Variants in ADH6 observed in about 807,000 individuals in gnomAD.
The protein encoded by ADH6 is alcohol dehydrogenase 6 (class V).
ADH6 carries 34 observed loss-of-function variants against 36.5 expected under a neutral mutation model. The ratio of observed to expected loss-of-function variants is 0.93; its 90% CI spans 0.71 to 1.24. The LOEUF is 1.24. ADH6 is among the 50% of genes most tolerant of loss of function. The probability of loss-of-function intolerance (pLI) is 0.00; values close to 1 mark genes in which losing one functional copy is unlikely to be tolerated. For synonymous variants in ADH6, 161 were observed against 155.5 expected (o/e 1.04, Z -0.26); for missense variants, 440 against 447.0 (o/e 0.98, Z 0.14).
chr4:99,217,884 A>C (rs2110560118), intron 1 of ADH6, among the ~76,000 whole-genome samples: 1 of 152,192 alleles, frequency 6.6e-6, no homozygotes, highest in African/African-American at 2.4e-5. Context: ...TGAGTTATGG[A>C]GCAACGAATG....
At chr4:99,217,253 T>A (rs373903781) in intron 1 of ADH6, among the ~76,000 whole-genome samples, 1 of 151,938 alleles carries the variant, frequency 6.6e-6, no homozygotes, top group African/African-American at 2.4e-5. Context: ...AGCCAGGATG[T>A]TCTTGATCTC....
Position 99,203,051 on chromosome 4 carries a change from C to T in ADH6, c.*1168G>A, listed in dbSNP as rs779204979. On this transcript the variant is annotated 3_prime_UTR_variant, in exon 9 of 9. Transcript: ENST00000394899. ...AGAGACTGAGGGTGCAGCCCACCTT[C>T]CTGGCCAGTGTTAAATCAGGAAACT... is the stretch of plus-strand genomic sequence containing the variant. 1 of 377,068 alleles carries T rather than the reference C, an allele frequency of 2.7e-6. No homozygotes were observed. Among genetic ancestry groups the T allele is most frequent in the Non-Finnish European group, 4.7e-6 (1 of 212,724 alleles). 23.4% of individuals were successfully genotyped at this position (377,068 alleles called of 1,614,324 possible).
chr4:99,218,176 A>G (rs1481312550), intron 1 of ADH6, among the ~76,000 whole-genome samples: 3 of 152,250 alleles, frequency 2.0e-5, no homozygotes, highest in South Asian at 2.1e-4. Context: ...TGAACATATC[A>G]TTATTTCTTC....
intron 5 of ADH6, 89 bp downstream of exon 5, chr4:99,209,993 T>A (rs1175810253): frequency 4.8e-5 from 65 of 1,361,200 alleles, no homozygotes; most frequent in Non-Finnish European, 1.0e-6. Context: ...ATTTTTCCTT[T>A]GGTATGATAA....
intron 2 of ADH6, among the ~76,000 whole-genome samples, chr4:99,214,393 C>G (rs964254643): frequency 6.6e-5 from 10 of 151,778 alleles, no homozygotes; most frequent in Admixed American, 3.3e-4. Flanking sequence ...GACCCTGTCT[C>G]TAAAATGAAA....
Position 99,216,189 on chromosome 4 carries a change from G to A in ADH6, c.92C>T (p.Pro31Leu), listed in dbSNP as rs748489029. The stretch of plus-strand genomic sequence containing the variant: ...TATGCGAACTTCCTTTGCCTTTGGT[G>A]GGGCCACTTCTACCTCTTCAATAGA... ...PFSIEEVEVA[P>L]PKAKEVRIKV... Residue 31 changes from proline to leucine, a missense_variant, in exon 2 of 9, where the codon CCA (proline) becomes CTA (leucine). Transcript: ENST00000394899. 2.6e-6 allele frequency: 4 copies of A among 1,532,206 alleles called. No individual in the cohort carries two copies. The highest frequency in any genetic ancestry group is 3.0e-5 in the African/African-American group (2 of 67,606). 94.9% of individuals were successfully genotyped at this position (1,532,206 alleles called of 1,614,324 possible). A position where few individuals can be genotyped will look rare whatever the true frequency, so the allele number is the denominator to read the frequency against.
At chr4:99,219,032 T>C in intron 1 of ADH6, 103 bp downstream of exon 1, 1 of 1,177,030 alleles carries the variant, frequency 8.5e-7, no homozygotes, top group Non-Finnish European at 1.3e-6. Context: ...GCCTCTCACC[T>C]TTAGGAGCCC....
chr4:99,213,844 C>T, intron 2 of ADH6, 97 bp from the exon 3 acceptor site: 1 of 1,065,304 alleles, frequency 9.4e-7, no homozygotes, highest in Non-Finnish European at 1.3e-6. Context: ...TTGATATTCT[C>T]CATTTATACA....
At position 99,216,157 on chromosome 4, in the gene ADH6, T is replaced by TA; in HGVS notation, c.120+3_120+4insT. 7.1e-7 allele frequency: 1 copy of TA among 1,400,446 alleles called. No individual in the cohort carries two copies. The highest frequency in any genetic ancestry group is 9.6e-7 in the Non-Finnish European group (1 of 1,045,184). 86.8% of individuals were successfully genotyped at this position (1,400,446 alleles called of 1,614,324 possible). ...GTGATTTTTTTTTTTTTTTTTTTTT[T>TA]TACCTTTATGCGAACTTCCTTTGCC... On this transcript the variant is annotated splice_donor_region_variant and intron_variant, in intron 2 of 8. Coordinates refer to ENST00000394899, the MANE Select transcript of ADH6 (RefSeq NM_001102470.2).
intron 3 of ADH6, among the ~76,000 whole-genome samples, chr4:99,211,380 T>C (rs75631625): frequency 1.3e-5 from 2 of 152,274 alleles, no homozygotes; most frequent in East Asian, 3.9e-4. Context: ...TGGAGCTTTC[T>C]ATTTTAGTAC....
chr4:99,206,909 G>T (rs1297035584), intron 7 of ADH6, among the ~76,000 whole-genome samples: 1 of 151,928 alleles, frequency 6.6e-6, no homozygotes, highest in Non-Finnish European at 1.5e-5. Context: ...GTAAAAAACA[G>T]AAAATCAAAG....
intron 5 of ADH6, among the ~76,000 whole-genome samples, chr4:99,209,404 A>G (rs1246777369): frequency 6.6e-6 from 1 of 152,066 alleles, no homozygotes; most frequent in Non-Finnish European, 1.5e-5. Context: ...CATAGGACTA[A>G]TTTAAATAAT....
In ADH6 at chr4:99,208,722, C is replaced by T. The variant is rs146063979; in HGVS notation, c.774G>A (p.Met258Ile). 1.2e-6 allele frequency: 2 copies of T among 1,613,732 alleles called. No homozygotes were observed. The highest frequency in any genetic ancestry group is 1.7e-5 in the Admixed American group (1 of 59,982). Residue 258 changes from methionine (M) to isoleucine (I), a missense_variant, in exon 6 of 9, where the codon ATG becomes ATA. Met to Ile is a conservative substitution (Grantham distance 10, BLOSUM62 1). Coordinates refer to ENST00000394899, the MANE Select transcript of ADH6 (RefSeq NM_001102470.2). ...KKPIQEVLFD[M>I]TDAGIDFCFE... is the part of the protein sequence containing the mutation. ...AGCAGAAGTCTATACCAGCATCTGT[C>T]ATATCAAATAAAACTTCTTGAATGG... is the stretch of plus-strand genomic sequence containing the variant.
rs200229133 is a variant in ADH6 at position 99,204,238 on chromosome 4, C to G, written c.1109G>C (p.Arg370Pro). Reference protein sequence around the residue: ...VELMKTGKCIRCILLL With the variant: ...VELMKTGKCIPCILLL ...TTGTACTTAAAGTAACAGGATACAG[C>G]GGATACTGAAAAAAAGAAGAAGAGA... is the stretch of plus-strand genomic sequence containing the variant. Residue 370 changes from arginine (R) to proline (P), a missense_variant, in exon 9 of 9, where the codon CGC becomes CCC. By Grantham distance (103) the Arg-to-Pro change is moderately radical (BLOSUM62 -2). Coordinates refer to ENST00000394899, the MANE Select transcript of ADH6 (RefSeq NM_001102470.2). 1 of 1,599,344 alleles carries G rather than the reference C, an allele frequency of 6.3e-7. No homozygotes were observed.
chr4:99,209,510 G>A (rs183916072), intron 5 of ADH6, among the ~76,000 whole-genome samples: 9 of 152,170 alleles, frequency 5.9e-5, no homozygotes, highest in Non-Finnish European at 1.0e-4. Context: ...GAAGGGAGCC[G>A]GGAAGGTTTG....
chr4:99,210,380 A>C, intron 4 of ADH6, 35 bp downstream of exon 4: 1 of 1,594,746 alleles, frequency 6.3e-7, no homozygotes, highest in Admixed American at 1.7e-5. Flanking sequence ...AAAGTGAATT[A>C]AGTTTTCAAA....
intron 6 of ADH6, among the ~76,000 whole-genome samples, 171 bp from the exon 7 acceptor site, chr4:99,207,752 A>G (rs1731087586): frequency 6.6e-6 from 1 of 152,142 alleles, no homozygotes; most frequent in Non-Finnish European, 1.5e-5. Flanking sequence ...AAACACATAT[A>G]AGACGTTGTA....
intron 2 of ADH6, among the ~76,000 whole-genome samples, chr4:99,214,067 A>C (rs1486041308): frequency 6.6e-6 from 1 of 152,078 alleles, no homozygotes; most frequent in East Asian, 1.9e-4. Context: ...TTGTAGATGG[A>C]AGTGTGGAGG....
chr4:99,216,284 C>A (rs1579451239), intron 1 of ADH6, 22 bp from the exon 2 acceptor site: 2 of 1,471,298 alleles, frequency 1.4e-6, no homozygotes, highest in South Asian at 1.4e-5. Context: ...AATACAGGGG[C>A]AGAAAGAGAA....
Sources: gnomAD v4.1 joint callset for allele counts (sites outside exome capture counted in the v4.1 genomes callset) on GRCh38, gnomAD v4.1.1 for gene constraint, MANE v1.5 for transcripts, NCBI Gene and HGNC (gene_info 2026-07-23, HGNC 2026-07-21) for gene names.